Variants in MUC4 observed in about 807,000 individuals in gnomAD.
MUC4 encodes mucin 4, cell surface associated.
A neutral mutation model predicts 257.9 loss-of-function variants in MUC4; 202 were observed. The ratio of observed to expected loss-of-function variants is 0.78; its 90% CI spans 0.70 to 0.88. The LOEUF is 0.88. MUC4 is among the 40% of genes least tolerant of loss of function. The pLI, the probability that MUC4 is intolerant of heterozygous loss-of-function variation, is 0.00. For missense variants in MUC4, 5,976 were observed against 6,513.7 expected, an observed-to-expected ratio of 0.92 and a Z score of 2.84; for synonymous variants, 2,351 against 2,757.1, an observed-to-expected ratio of 0.85 and a Z score of 4.62.
intron 1 of MUC4, among the ~76,000 whole-genome samples, chr3:195,801,210 G>T (rs2550268): frequency 0.015 from 2,342 of 151,808 alleles, 27 homozygotes; most frequent in South Asian, 0.037. Context: ...GGCCCTTCAG[G>T]TTCCGTCAGA....
At chr3:195,805,049 T>C (rs1390799870) in intron 1 of MUC4, among the ~76,000 whole-genome samples, 3 of 144,310 alleles carry the variant, frequency 2.1e-5, no homozygotes, top group African/African-American at 7.9e-5. Context: ...TGACGTTGCC[T>C]GTTTCTTTAT....
intron 18 of MUC4, among the ~76,000 whole-genome samples, chr3:195,756,340 C>G (rs1469032254): frequency 1.3e-5 from 2 of 152,230 alleles, no homozygotes; most frequent in African/African-American, 4.8e-5. Context: ...CCCAGGGACC[C>G]ACAACCACCT....
In MUC4 at chr3:195,766,979, G is replaced by A. The variant is rs558002878; in HGVS notation, c.13530-228C>T. 5.6e-4 allele frequency among the ~76,000 whole-genome samples: 86 copies of A among 152,270 alleles called. 2 individuals carry two copies. The highest frequency in any genetic ancestry group is 2.1e-3 in the Admixed American group (32 of 15,294). ...GCTCTAACCGATTCCACATCTGATC[G>A]CTAGCTGCAAGAAACTGGCAGGTCC... On this transcript the variant is annotated intron_variant, in intron 7 of 24. Coordinates refer to ENST00000463781, the MANE Select transcript of MUC4 (RefSeq NM_018406.7).
chr3:195,765,957 T>A (rs1720374557), intron 8 of MUC4, among the ~76,000 whole-genome samples: 1 of 152,066 alleles, frequency 6.6e-6, no homozygotes, highest in African/African-American at 2.4e-5. Context: ...CCGGGCCTCT[T>A]CTTGGTGGAT....
rs1206047069 is a variant in MUC4, at chr3:195,787,205, C to A, written c.4375G>T (p.Val1459Phe). 3.0e-6 allele frequency: 2 copies of A among 668,184 alleles called. No homozygotes were observed. The highest frequency in any genetic ancestry group is 3.2e-5 in the Admixed American group (1 of 31,286). The allele number at this position is 668,184 out of a possible 1,614,324, so 41.4% of individuals were successfully genotyped here. ...ASTGHTTPLP[V>F]TDTSSASTGQ... ...GTGGATGCTGAGGAAGTGTCGGTGA[C>A]AGGAAGAGGGGTGGTGTGACCTGTG... is the stretch of plus-strand genomic sequence containing the variant. The change falls in exon 2 of 25, where the codon GTC (valine) becomes TTC (phenylalanine). Residue 1459 changes from valine (V) to phenylalanine (F), a missense_variant. Val to Phe is a conservative substitution (Grantham distance 50, BLOSUM62 -1). Transcript: ENST00000463781.
At position 195,747,193 on chromosome 3, in the gene MUC4, C is replaced by A; in HGVS notation, c.16222G>T (p.Ala5408Ser). 1 of 1,614,278 alleles carries A rather than the reference C, an allele frequency of 6.2e-7. No homozygotes were observed. The change falls in exon 25 of 25, where the codon GCT becomes TCT. Residue 5408 changes from alanine (A) to serine (S), a missense_variant. Coordinates refer to ENST00000463781, the MANE Select transcript of MUC4 (RefSeq NM_018406.7). ...GARFSYFLNS[A>S]EALP ...CTGCCCCTTCAAGGCAAGGCCTCAG[C>A]TGAGTTCAGGAAATAGGAGAACCTG... is the stretch of plus-strand genomic sequence containing the variant.
At chr3:195,752,858 C>T (rs1040248697) in intron 20 of MUC4, among the ~76,000 whole-genome samples, 193 bp downstream of exon 20, 4 of 152,228 alleles carry the variant, frequency 2.6e-5, no homozygotes, top group Admixed American at 6.5e-5. Context: ...CACACAGGCC[C>T]GTGGTCCTTG....
Position 195,788,921 on chromosome 3 carries a change from C to G in MUC4, c.2659G>C (p.Gly887Arg). 6.2e-7 allele frequency: 1 copy of G among 1,613,596 alleles called. No homozygotes were observed. The highest frequency in any genetic ancestry group is 1.6e-4 in the Middle Eastern group (1 of 6,062). The change falls in exon 2 of 25, where the codon GGA becomes CGA. Residue 887 changes from glycine to arginine, a missense_variant. Gly to Arg is a moderately radical substitution (Grantham distance 125). This residue lies in a region of MUC4 where 1,583 missense variants were observed against 1,257.4 expected (regional missense o/e 1.26). Coordinates refer to ENST00000463781, the MANE Select transcript of MUC4 (RefSeq NM_018406.7). ...CTGGGAGAAGTTGGGCTTGACTGTC[C>G]TGTCGGTCTCCCTGCAGTGGAGGCC... Reference protein sequence around the residue: ...SEASTAGRPTGQSSPTSPSAS... With the variant: ...SEASTAGRPTRQSSPTSPSAS...
chr3:195,764,834 A>C (rs1720072791), intron 10 of MUC4, among the ~76,000 whole-genome samples, 163 bp downstream of exon 10: 1 of 152,030 alleles, frequency 6.6e-6, no homozygotes, highest in African/African-American at 2.4e-5. Flanking sequence ...TACATCCCCG[A>C]ATGTCCGCTG....
rs747541203 is a variant in MUC4 at position 195,782,946 on chromosome 3, G to A, written c.8634C>T (p.Ala2878=). ...TDASSVSTGH[A]TPLPVTDASS... ...AAGCGTCGGTGACAGGAAGAGGGGT[G>A]GCATGACCTGTGGACACTGAGGAAG... The change falls in exon 2 of 25, where the codon GCC becomes GCT. Residue 2878 remains alanine (A), a synonymous_variant. Coordinates refer to ENST00000463781, the MANE Select transcript of MUC4 (RefSeq NM_018406.7). 0.011 allele frequency: 11,421 copies of A among 1,051,752 alleles called. 882 individuals are homozygous for A. The highest frequency in any genetic ancestry group is 0.037 in the African/African-American group (1,416 of 38,120). The allele number at this position is 1,051,752 out of a possible 1,614,324, so 65.2% of individuals were successfully genotyped here.
intron 1 of MUC4, among the ~76,000 whole-genome samples, chr3:195,795,773 A>G (rs1734493409): frequency 6.6e-6 from 1 of 150,544 alleles, no homozygotes; most frequent in African/African-American, 2.4e-5. Flanking sequence ...ACAATTAAAA[A>G]TGGAATAAAT....
intron 1 of MUC4, among the ~76,000 whole-genome samples, chr3:195,801,642 C>T (rs967262588): frequency 3.9e-5 from 6 of 152,166 alleles, no homozygotes; most frequent in African/African-American, 1.4e-4. Context: ...TTCTTTACCA[C>T]GCACTGCTCG....
At chr3:195,754,399 G>A (rs757216288) in intron 18 of MUC4, 27 bp from the exon 19 acceptor site, 12 of 1,586,450 alleles carry the variant, frequency 7.6e-6, no homozygotes, top group Middle Eastern at 2.3e-4. Flanking sequence ...GATCACGGGC[G>A]GCCAGGAGAC....
In MUC4 at chr3:195,785,191, G is replaced by C. The variant is rs752907477; in HGVS notation, c.6389C>G (p.Pro2130Arg). The C allele has an allele frequency of 1.3e-6, 2 of 1,547,652 alleles. No homozygotes were observed. The highest frequency in any genetic ancestry group is 2.8e-5 in the African/African-American group (2 of 72,474). Residue 2130 changes from proline to arginine, a missense_variant, in exon 2 of 25, where the codon CCT becomes CGT. Around this residue, in one of 44 missense-constraint regions of MUC4, gnomAD observed 85 missense variants for 325.0 expected, o/e 0.26. Transcript: ENST00000463781. ...SLSTGDTTPL[P>R]VTSPSSTSTG... ...GGATGTTGAGGAAGGGCTGGTGACA[G>C]GAAGAGGGGTGGTGTCCCCTGTGGA...
intron 16 of MUC4, among the ~76,000 whole-genome samples, chr3:195,759,844 G>A (rs1033938477): frequency 1.3e-5 from 2 of 152,020 alleles, no homozygotes; most frequent in African/African-American, 4.8e-5. Context: ...GCTTGAACCC[G>A]GGAAGCAGAG....
chr3:195,808,229 C>CT (rs909686706), intron 1 of MUC4, among the ~76,000 whole-genome samples: 18 of 148,830 alleles, frequency 1.2e-4, no homozygotes, highest in South Asian at 2.1e-4. Flanking sequence ...TATGGCTTTT[C>CT]TTTTTTTTTT....
In MUC4 at chr3:195,785,506, G is replaced by T. The variant is rs752765467; in HGVS notation, c.6074C>A (p.Ala2025Glu). The T allele has an allele frequency of 1.3e-6, 2 of 1,512,726 alleles. No homozygotes were observed. Among genetic ancestry groups the T allele is most frequent in the Non-Finnish European group, 8.9e-7 (1 of 1,123,000 alleles). The allele number at this position is 1,512,726 out of a possible 1,614,324, so 93.7% of individuals were successfully genotyped here. ...AAGCGGCGTGGTGTCACCAGTGGAT[G>T]CTGAGGAAAGGCTGGTGACAGGAAG... ...TPLPVTSLSSASTGDTTPLPV... is the reference protein window; with the variant it reads ...TPLPVTSLSSESTGDTTPLPV... The change falls in exon 2 of 25, where the codon GCA (alanine) becomes GAA (glutamate). Residue 2025 changes from alanine (A) to glutamate (E), a missense_variant. Ala to Glu is a moderately radical substitution (Grantham distance 107). Transcript: ENST00000463781.
intron 2 of MUC4, 131 bp from the exon 3 acceptor site, chr3:195,778,586 A>T: frequency 7.5e-7 from 1 of 1,326,120 alleles, no homozygotes; most frequent in Non-Finnish European, 1.0e-6. Flanking sequence ...TCATATCCAA[A>T]CTACTCTCGA....
chr3:195,797,266 T>TTAAATAAA (rs58592665), intron 1 of MUC4, among the ~76,000 whole-genome samples: 13,380 of 149,628 alleles, frequency 0.089, 2,077 homozygotes, highest in African/African-American at 0.31. Flanking sequence ...GGACTCTATC[T>TTAAATAAA]TAAATAAATA....
Sources: allele counts gnomAD v4.1 joint callset (sites outside exome capture counted in the v4.1 genomes callset), GRCh38; gene constraint gnomAD v4.1.1; regional missense constraint gnomAD v4.1.1; transcripts MANE v1.5; gene names NCBI Gene and HGNC (gene_info 2026-07-23, HGNC 2026-07-21).